SLIT1: variants seen among roughly 807,000 people sequenced by gnomAD.
SLIT1 encodes slit guidance ligand 1.
In SLIT1, 66 loss-of-function variants were observed where a neutral mutation model predicts 186.1. The ratio of observed to expected loss-of-function variants is 0.35; its 90% CI spans 0.29 to 0.44. SLIT1 has a LOEUF of 0.44. Among genes scored for constraint, SLIT1 ranks in the 20% least tolerant of loss-of-function variants. SLIT1 has a pLI of 1.00. For missense variants in SLIT1, 1,638 were observed against 2,037.4 expected (o/e 0.80, Z 3.77); for synonymous variants, 761 against 833.8 (o/e 0.91, Z 1.50).
At chr10:97,031,489 G>A in intron 24 of SLIT1, 117 bp downstream of exon 24, 1 of 740,292 alleles carries the variant, frequency 1.4e-6, no homozygotes, top group Non-Finnish European at 2.3e-6. Flanking sequence ...CAGCACTCTG[G>A]ACTCCACCAT....
intron 4 of SLIT1, among the ~76,000 whole-genome samples, chr10:97,120,984 G>T (rs1002481994): frequency 6.6e-6 from 1 of 151,958 alleles, no homozygotes; most frequent in African/African-American, 2.4e-5. Flanking sequence ...TCTCTCTCCC[G>T]GTTCTGTCCC....
intron 11 of SLIT1, chr10:97,057,747 G>T: frequency 2.1e-6 from 1 of 470,504 alleles, no homozygotes; most frequent in Non-Finnish European, 3.8e-6. Context: ...GGGACTTCAA[G>T]CATTTTTTTT....
chr10:97,067,218 G>A (rs926246630), intron 4 of SLIT1, among the ~76,000 whole-genome samples: 42 of 152,132 alleles, frequency 2.8e-4, no homozygotes, highest in African/African-American at 7.2e-4. Context: ...GCCCTGCTGC[G>A]AGGGGAGGGG....
At chr10:97,033,114 T>A (rs1053018905) in intron 23 of SLIT1, among the ~76,000 whole-genome samples, 1 of 151,402 alleles carries the variant, frequency 6.6e-6, no homozygotes, top group Non-Finnish European at 1.5e-5. Flanking sequence ...AGGGGTGTGA[T>A]CTTGGCTTGC....
intron 4 of SLIT1, among the ~76,000 whole-genome samples, chr10:97,133,655 T>C (rs925911999): frequency 3.9e-5 from 6 of 152,250 alleles, no homozygotes; most frequent in African/African-American, 7.2e-5. Context: ...TTTTATGTTA[T>C]GTGTATTTCA....
chr10:97,045,976 A>G (rs1356352511), intron 18 of SLIT1, among the ~76,000 whole-genome samples: 1 of 152,222 alleles, frequency 6.6e-6, no homozygotes, highest in Non-Finnish European at 1.5e-5. Context: ...GAGTAGCACT[A>G]GCCACATTTC....
intron 16 of SLIT1, among the ~76,000 whole-genome samples, 154 bp from the exon 17 acceptor site, chr10:97,047,219 T>TAAATAGGAAAAGGA (rs1848742653): frequency 6.6e-6 from 1 of 152,192 alleles, no homozygotes; most frequent in African/African-American, 2.4e-5. Flanking sequence ...AGGCTGGGCC[T>TAAATAGGAAAAGGA]AGTACTGGGA....
chr10:97,004,089 C>T lies in SLIT1; in HGVS notation c.3844G>A (p.Glu1282Lys), dbSNP rs774613268. 3.5e-5 allele frequency: 56 copies of T among 1,611,018 alleles called. No homozygotes were observed. Among genetic ancestry groups the T allele is most frequent in the Admixed American group, 1.3e-4 (8 of 59,970 alleles). Residue 1282 changes from glutamate to lysine, a missense_variant, in exon 34 of 37, where the codon GAG becomes AAG. Physicochemically the swap from Glu to Lys is moderately conservative, Grantham distance 56. Coordinates refer to ENST00000266058, the MANE Select transcript of SLIT1 (RefSeq NM_003061.3). This position sits in a 1 kb window ranked among gnomAD's most constrained non-coding sequence, Gnocchi z 5.1. Reference sequence around the variant, plus strand: ...TCACCTCCCACATAGAGTGGCGCCTCGCTGTTGAGCGTGTAATGTTTGCCA... The same window carrying T: ...TCACCTCCCACATAGAGTGGCGCCTTGCTGTTGAGCGTGTAATGTTTGCCA... ...NFGKHYTLNSEAPLYVGGMPV... is the reference protein window; with the variant it reads ...NFGKHYTLNSKAPLYVGGMPV...
intron 4 of SLIT1, among the ~76,000 whole-genome samples, chr10:97,073,419 G>T (rs779710392): frequency 2.0e-4 from 31 of 152,314 alleles, no homozygotes; most frequent in Non-Finnish European, 4.4e-4. Context: ...AAGCGGGCGG[G>T]ATCTGCGACT....
At chr10:97,142,720 T>G (rs1269193784) in intron 4 of SLIT1, among the ~76,000 whole-genome samples, 1 of 152,186 alleles carries the variant, frequency 6.6e-6, no homozygotes, top group Admixed American at 6.5e-5. Context: ...ATCATATCTC[T>G]GATAAGGGGT....
chr10:97,011,928 T>G (rs1490111762), intron 30 of SLIT1, among the ~76,000 whole-genome samples: 4 of 152,172 alleles, frequency 2.6e-5, no homozygotes, highest in African/African-American at 9.7e-5. Flanking sequence ...CAGCCCTCAC[T>G]GAGCAGTCCC....
chr10:97,021,152 G>A lies in SLIT1; in HGVS notation c.2746+98C>T. ...TTCCTGTCCCCTGACCCCCCGCCCA[G>A]CGGTCACCACAGGGACGCAGGCATG... On this transcript the variant is annotated intron_variant, in intron 26 of 36. Coordinates refer to ENST00000266058, the MANE Select transcript of SLIT1 (RefSeq NM_003061.3). The surrounding 1 kb of genome is among the most constrained non-coding windows in gnomAD (Gnocchi z 4.5). The A allele has an allele frequency of 1.6e-6, 2 of 1,233,936 alleles. No individual in the cohort carries two copies. Among genetic ancestry groups the A allele is most frequent in the Admixed American group, 2.4e-5 (1 of 40,822 alleles). The allele number at this position is 1,233,936 out of a possible 1,614,324, so 76.4% of individuals were successfully genotyped here. A position where few individuals can be genotyped will look rare whatever the true frequency, so the allele number is the denominator to read the frequency against.
chr10:97,048,116 G>T lies in SLIT1; in HGVS notation c.1466-120C>A, dbSNP rs1848751464. 7 of 1,066,230 alleles carry T rather than the reference G, an allele frequency of 6.6e-6. No individual in the cohort carries two copies. In the East Asian group the frequency reaches 1.2e-4, roughly 18 times the overall value. 66.0% of individuals were successfully genotyped at this position (1,066,230 alleles called of 1,614,324 possible). A position where few individuals can be genotyped will look rare whatever the true frequency, so the allele number is the denominator to read the frequency against. ...CCAGACAGGGCTGAGGAGCCCATCTGCCCAGTCCCTGTGTGCAGAAGGGCG... is the reference window on the plus strand; with the variant it reads ...CCAGACAGGGCTGAGGAGCCCATCTTCCCAGTCCCTGTGTGCAGAAGGGCG... On this transcript the variant is annotated intron_variant, in intron 14 of 36. Coordinates refer to ENST00000266058, the MANE Select transcript of SLIT1 (RefSeq NM_003061.3).
At chr10:97,042,336 G>A (rs2134621109) in intron 20 of SLIT1, among the ~76,000 whole-genome samples, 1 of 152,258 alleles carries the variant, frequency 6.6e-6, no homozygotes, top group East Asian at 1.9e-4. Flanking sequence ...ACTAAGGATG[G>A]GATGGCTGCA....
chr10:97,100,379 T>G (rs1337194912), intron 4 of SLIT1, among the ~76,000 whole-genome samples: 1 of 152,138 alleles, frequency 6.6e-6, no homozygotes, highest in African/African-American at 2.4e-5. Context: ...ATCTCAACAC[T>G]TTGGGAGGCC....
At chr10:97,001,825 G>A (rs932994401) in intron 36 of SLIT1, among the ~76,000 whole-genome samples, 11 of 152,082 alleles carry the variant, frequency 7.2e-5, no homozygotes, top group Non-Finnish European at 1.3e-4. Flanking sequence ...CCCAACCCTC[G>A]GACTTCCTGC....
chr10:97,167,556 A>G (rs1207284078), intron 1 of SLIT1, among the ~76,000 whole-genome samples: 4 of 152,252 alleles, frequency 2.6e-5, no homozygotes, highest in African/African-American at 9.6e-5. Flanking sequence ...CCATGTGGCC[A>G]TTTAAAATGG....
intron 4 of SLIT1, among the ~76,000 whole-genome samples, chr10:97,129,731 T>G (rs1849636080): frequency 6.6e-6 from 1 of 152,184 alleles, no homozygotes; most frequent in Non-Finnish European, 1.5e-5. Context: ...CTCTGCTGTC[T>G]TCACTCCCTC....
chr10:97,055,317 C>A (rs1848826854), intron 13 of SLIT1, among the ~76,000 whole-genome samples: 4 of 152,104 alleles, frequency 2.6e-5, no homozygotes, highest in African/African-American at 9.7e-5. Flanking sequence ...ATTAATTATA[C>A]AGGATTGGAA....
Sources: allele counts gnomAD v4.1 joint callset (sites outside exome capture counted in the v4.1 genomes callset), GRCh38; gene constraint gnomAD v4.1.1; non-coding constraint Gnocchi (gnomAD v3.1); transcripts MANE v1.5; gene names NCBI Gene and HGNC (gene_info 2026-07-23, HGNC 2026-07-21).